SCHIP1: variants seen among roughly 807,000 people sequenced by gnomAD.
SCHIP1 encodes schwannomin interacting protein 1.
A neutral mutation model predicts 29.7 loss-of-function variants in SCHIP1; 8 were observed. The observed-to-expected ratio is 0.27, with a 90% CI of 0.16 to 0.49. The LOEUF is 0.49. SCHIP1 is among the 20% of genes least tolerant of loss of function. SCHIP1 has a pLI of 0.99. For synonymous variants in SCHIP1, 76 were observed against 94.9 expected (o/e 0.80, Z 1.16); for missense variants, 193 against 294.6 (o/e 0.66, Z 2.52).
chr3:159,626,180 C>CTAGA, the SCHIP1 span, among the ~76,000 whole-genome samples: 463 of 92,310 alleles, frequency 5.0e-3, 5 homozygotes, highest in Middle Eastern at 0.012. Flanking sequence ...ATCTATCTAT[C>CTAGA]TAGATAGATA....
chr3:159,404,892 A>G, the SCHIP1 span, among the ~76,000 whole-genome samples: 2 of 152,196 alleles, frequency 1.3e-5, no homozygotes, highest in Admixed American at 6.5e-5. Flanking sequence ...TGGTAGTGAC[A>G]TAGGCGTTTG....
At chr3:159,676,381 T>C in the SCHIP1 span, among the ~76,000 whole-genome samples, 1 of 152,226 alleles carries the variant, frequency 6.6e-6, no homozygotes, top group Non-Finnish European at 1.5e-5. Context: ...AATTACTATT[T>C]GGCTAATTAA....
At chr3:159,552,512 A>C in the SCHIP1 span, among the ~76,000 whole-genome samples, 361 of 152,326 alleles carry the variant, frequency 2.4e-3, 3 homozygotes, top group African/African-American at 8.4e-3. Context: ...TCCATGTTCA[A>C]CTGCAGTACA....
the SCHIP1 span, among the ~76,000 whole-genome samples, chr3:159,608,497 A>T: frequency 6.6e-6 from 1 of 152,220 alleles, no homozygotes; most frequent in African/African-American, 2.4e-5. Flanking sequence ...TCTTTCAGCC[A>T]GTAATGTGTC....
At chr3:159,873,672 T>G (rs1405139042) in intron 2 of SCHIP1, among the ~76,000 whole-genome samples, 1 of 152,226 alleles carries the variant, frequency 6.6e-6, no homozygotes, top group Non-Finnish European at 1.5e-5. Context: ...GAGTGTCATT[T>G]TTTTCTTCAA....
chr3:159,838,054 C>A (rs1743846263), upstream of SCHIP1, among the ~76,000 whole-genome samples: 1 of 152,060 alleles, frequency 6.6e-6, no homozygotes, highest in African/African-American at 2.4e-5. Flanking sequence ...TTCCTTTGAA[C>A]CTGCTGCTGA....
chr3:159,443,618 C>T, the SCHIP1 span, among the ~76,000 whole-genome samples: 3 of 152,238 alleles, frequency 2.0e-5, no homozygotes, highest in South Asian at 4.2e-4. Context: ...AAGCGATTCT[C>T]CTGCCTCAGT....
the SCHIP1 span, among the ~76,000 whole-genome samples, chr3:159,535,806 T>G: frequency 3.3e-5 from 5 of 152,166 alleles, no homozygotes; most frequent in South Asian, 8.3e-4. Context: ...AGTTGCTTTC[T>G]CATATTATTT....
At chr3:159,778,502 A>G in the SCHIP1 span, among the ~76,000 whole-genome samples, 8 of 152,250 alleles carry the variant, frequency 5.3e-5, no homozygotes, top group East Asian at 1.9e-4. Flanking sequence ...CACCTAACCT[A>G]CAAACTTTAT....
At chr3:159,283,026 C>T in the SCHIP1 span, among the ~76,000 whole-genome samples, 4 of 151,802 alleles carry the variant, frequency 2.6e-5, no homozygotes, top group African/African-American at 9.7e-5. Flanking sequence ...GAACTGATAC[C>T]TTTGCAAATT....
At chr3:159,668,050 C>T in the SCHIP1 span, among the ~76,000 whole-genome samples, 3 of 152,216 alleles carry the variant, frequency 2.0e-5, no homozygotes, top group Non-Finnish European at 2.9e-5. Flanking sequence ...AAGGGCCTCA[C>T]CCTGTGTGAC....
chr3:159,797,576 CTT>C, the SCHIP1 span, among the ~76,000 whole-genome samples: 16 of 145,340 alleles, frequency 1.1e-4, no homozygotes, highest in Admixed American at 2.1e-4. Context: ...ATTTAAAGAT[CTT>C]TTTTTTTTTT....
chr3:159,534,399 CAATAA>C, the SCHIP1 span, among the ~76,000 whole-genome samples: 1 of 152,064 alleles, frequency 6.6e-6, no homozygotes, highest in South Asian at 2.1e-4. Context: ...CCTGAAATCT[CAATAA>C]AATAGAGTTT....
chr3:159,346,928 G>A, the SCHIP1 span, among the ~76,000 whole-genome samples: 1 of 152,176 alleles, frequency 6.6e-6, no homozygotes, highest in Non-Finnish European at 1.5e-5. Flanking sequence ...CCAGGTGTCA[G>A]GGCCAAGAAA....
chr3:159,797,741 T>A, the SCHIP1 span, among the ~76,000 whole-genome samples: 1 of 152,054 alleles, frequency 6.6e-6, no homozygotes, highest in South Asian at 2.1e-4. Flanking sequence ...CTCAGCTAAT[T>A]TTTTTGTATT....
At chr3:159,296,059 A>G in the SCHIP1 span, among the ~76,000 whole-genome samples, 5 of 152,112 alleles carry the variant, frequency 3.3e-5, no homozygotes, top group Non-Finnish European at 5.9e-5. Context: ...TTAATTTCCA[A>G]TAATAAATAA....
chr3:159,715,757 G>A, the SCHIP1 span, among the ~76,000 whole-genome samples: 2 of 152,196 alleles, frequency 1.3e-5, no homozygotes, highest in Non-Finnish European at 2.9e-5. Context: ...TATGTGAAAA[G>A]ACCAAATCTA....
the SCHIP1 span, among the ~76,000 whole-genome samples, chr3:159,479,738 G>A: frequency 6.6e-6 from 1 of 152,132 alleles, no homozygotes; most frequent in Non-Finnish European, 1.5e-5. Context: ...CTGACACCAA[G>A]GAGATATGTA....
chr3:159,332,558 C>T, the SCHIP1 span, among the ~76,000 whole-genome samples: 1 of 152,100 alleles, frequency 6.6e-6, no homozygotes, highest in Non-Finnish European at 1.5e-5. Flanking sequence ...TCTAGAAATT[C>T]AATAAATATT....
Sources: allele counts gnomAD v4.1 joint callset (sites outside exome capture counted in the v4.1 genomes callset), GRCh38; gene constraint gnomAD v4.1.1; transcripts MANE v1.5; gene names NCBI Gene and HGNC (gene_info 2026-07-23, HGNC 2026-07-21).